The following CLDN16 variants were observed in gnomAD, a reference collection of about 807,000 sequenced individuals.
CLDN16 encodes claudin 16, also known as claudin-16.
Under a neutral mutation model 24.6 loss-of-function variants are expected in CLDN16, and 13 were observed. The ratio of observed to expected loss-of-function variants is 0.53; its 90% CI spans 0.34 to 0.84. CLDN16 has a LOEUF of 0.84. Ranked by LOEUF, CLDN16 falls within the 40% of genes least tolerant of loss-of-function variation. CLDN16 has a pLI of 0.01. For missense variants in CLDN16, 298 were observed against 292.7 expected (o/e 1.02, Z -0.13); for synonymous variants, 116 against 106.7 (o/e 1.09, Z -0.54).
chr3:190,330,322 T>G (rs1717156431), intron 1 of CLDN16, among the ~76,000 whole-genome samples: 1 of 152,212 alleles, frequency 6.6e-6, no homozygotes, highest in Non-Finnish European at 1.5e-5. Flanking sequence ...TAATAGTAAC[T>G]AGTTGTGATC....
At chr3:190,310,080 T>A in the CLDN16 span, 1 of 1,042,730 alleles carries the variant, frequency 9.6e-7, no homozygotes, top group Non-Finnish European at 1.5e-6. Context: ...AAAGCAAATC[T>A]GGGAAATGAT....
At chr3:190,294,906 G>T in the CLDN16 span, among the ~76,000 whole-genome samples, 1 of 152,038 alleles carries the variant, frequency 6.6e-6, no homozygotes, top group East Asian at 1.9e-4. Flanking sequence ...ACATTTTATT[G>T]TTGTCTTCTC....
chr3:190,391,861 CTTGTCATTATTG>C (rs1309619063), intron 1 of CLDN16, among the ~76,000 whole-genome samples: 3 of 152,144 alleles, frequency 2.0e-5, no homozygotes, highest in Non-Finnish European at 2.9e-5. Context: ...CCATCCTGCT[CTTGTCATTATTG>C]ATTCATTTGT....
At chr3:190,343,030 G>A (rs1280556724) in intron 1 of CLDN16, among the ~76,000 whole-genome samples, 5 of 151,940 alleles carry the variant, frequency 3.3e-5, no homozygotes, top group East Asian at 1.9e-4. Flanking sequence ...GACAACCTAC[G>A]GATTGGAAAA....
chr3:190,339,940 A>G (rs1437862013), intron 1 of CLDN16, among the ~76,000 whole-genome samples: 1 of 152,240 alleles, frequency 6.6e-6, no homozygotes, highest in African/African-American at 2.4e-5. Flanking sequence ...ATCAAATTCA[A>G]CAGCATATCA....
In CLDN16 at chr3:190,339,076, T is replaced by C. The variant is rs559026267; in HGVS notation, n.121+16415T>C. ...CTCTCTTTTCTCTGGCCAAGAAAAT[T>C]ATCTGATTATAATCTATGTTCTAGA... On this transcript the variant is annotated intron_variant and non_coding_transcript_variant, in intron 1 of 4. Transcript: ENST00000468220. Among the ~76,000 whole-genome samples, 202 of 132,438 alleles carry C rather than the reference T, an allele frequency of 1.5e-3. 1 individual carries two copies. The highest frequency in any genetic ancestry group is 2.0e-3 in the Non-Finnish European group (130 of 63,916). The allele number at this position is 132,438 out of a possible 152,430, so 86.9% of individuals were successfully genotyped here.
At chr3:190,292,915 G>C in the CLDN16 span, among the ~76,000 whole-genome samples, 1 of 152,092 alleles carries the variant, frequency 6.6e-6, no homozygotes, top group Non-Finnish European at 1.5e-5. Flanking sequence ...ACATCTTCCT[G>C]TTTTCTTCTG....
In CLDN16 at chr3:190,404,885, T is replaced by A. The variant is rs536714046; in HGVS notation, c.341T>A (p.Val114Asp). 1 of 1,614,136 alleles carries A rather than the reference T, an allele frequency of 6.2e-7. No homozygotes were observed. Among genetic ancestry groups the A allele is most frequent in the South Asian group, 1.1e-5 (1 of 91,082 alleles). The change falls in exon 3 of 5, where the codon GTC (valine) becomes GAC (aspartate). Residue 114 changes from valine (V) to aspartate (D), a missense_variant. Physicochemically the swap from Val to Asp is radical, Grantham distance 152 (BLOSUM62 -3). Coordinates refer to ENST00000264734, the MANE Select transcript of CLDN16 (RefSeq NM_006580.4). The part of the protein sequence containing the change: ...KFLPDEPYIK[V>D]RICFVAGATL... ...CTCCCTGATGAGCCGTACATTAAAG[T>A]CCGCATCTGCTTTGTTGCTGGAGCC...
intron 1 of CLDN16, among the ~76,000 whole-genome samples, chr3:190,332,806 G>A (rs1328541384): frequency 1.3e-5 from 2 of 151,412 alleles, no homozygotes; most frequent in Non-Finnish European, 2.9e-5. Flanking sequence ...ACATACTATG[G>A]CTTAAGAGAC....
At chr3:190,328,035 AGCTTGGGAG>A (rs1402810899) in intron 1 of CLDN16, among the ~76,000 whole-genome samples, 2 of 152,016 alleles carry the variant, frequency 1.3e-5, no homozygotes, top group Non-Finnish European at 2.9e-5. Flanking sequence ...TAATCCTAAC[AGCTTGGGAG>A]GCCAAGGTGA....
chr3:190,388,059 C>G (rs774637593), upstream of CLDN16: 38 of 1,511,972 alleles, frequency 2.5e-5, no homozygotes, highest in South Asian at 8.0e-5. Context: ...CTCCCCCACC[C>G]GAAACACACT....
Position 190,409,234 on chromosome 3 carries a change from A to ATATGCACACACGTATATGCATGTATG in CLDN16, c.575-644_575-643insGTATGCACACACGTATATGCATGTAT, listed in dbSNP as rs1560100132. ...TATGCACACACGTATATGCATGTATATATGCACACACGTATATGCATGTAT... is the reference window on the plus strand; with the variant it reads ...TATGCACACACGTATATGCATGTATATATGCACACACGTATATGCATGTATGTATGCACACACGTATATGCATGTAT... On this transcript the variant is annotated intron_variant, in intron 4 of 4. Transcript: ENST00000264734. Among the ~76,000 whole-genome samples, 59 of 152,168 alleles carry ATATGCACACACGTATATGCATGTATG rather than the reference A, an allele frequency of 3.9e-4. 1 individual carries two copies. Among genetic ancestry groups the ATATGCACACACGTATATGCATGTATG allele is most frequent in the Middle Eastern group, 3.4e-3 (1 of 294 alleles).
intron 1 of CLDN16, among the ~76,000 whole-genome samples, chr3:190,355,059 T>TA (rs886411134): frequency 4.6e-5 from 7 of 151,992 alleles, no homozygotes; most frequent in African/African-American, 1.7e-4. Flanking sequence ...GAAAAGTAAC[T>TA]AAAAAATGTC....
rs1021763433 is a variant in CLDN16 at position 190,410,981 on chromosome 3, G to A, written c.*945G>A. ...ACTTTACTTAAAAAATCAATGTTGC[G>A]GCTGGGCACGGTAGCTCGCGTCTGT... On this transcript the variant is annotated 3_prime_UTR_variant, in exon 5 of 5. Transcript: ENST00000264734. 2.0e-5 allele frequency: 3 copies of A among 152,094 alleles called. No individual in the cohort carries two copies. Among genetic ancestry groups the A allele is most frequent in the Non-Finnish European group, 2.9e-5 (2 of 68,032 alleles). 9.4% of individuals were successfully genotyped at this position (152,094 alleles called of 1,614,324 possible).
chr3:190,321,898 G>T, upstream of CLDN16: 1 of 968,176 alleles, frequency 1.0e-6, no homozygotes, highest in Non-Finnish European at 1.7e-6. Flanking sequence ...GATAACCATG[G>T]AATCACACAA....
chr3:190,391,554 G>A (rs188394399), intron 1 of CLDN16, among the ~76,000 whole-genome samples: 3 of 152,288 alleles, frequency 2.0e-5, no homozygotes, highest in East Asian at 1.9e-4. Context: ...AGGCATTTGA[G>A]CAAAGCCTTG....
intron 1 of CLDN16, among the ~76,000 whole-genome samples, chr3:190,330,552 T>C (rs1717160877): frequency 6.9e-6 from 1 of 143,928 alleles, no homozygotes. Context: ...ACTTTCATCA[T>C]CCGGTGGTGG....
chr3:190,354,345 A>T (rs1307300820), intron 1 of CLDN16, among the ~76,000 whole-genome samples: 4 of 152,028 alleles, frequency 2.6e-5, no homozygotes, highest in African/African-American at 9.7e-5. Flanking sequence ...ATGATTCCCA[A>T]GATTTCATTT....
chr3:190,402,414 C>T lies in CLDN16; in HGVS notation c.192C>T (p.Tyr64=), dbSNP rs199651054. Residue 64 remains tyrosine (Y), a synonymous_variant, in exon 2 of 5, where the codon TAC becomes TAT. Coordinates refer to ENST00000264734, the MANE Select transcript of CLDN16 (RefSeq NM_006580.4). ...AFDGIRTCDE[Y]DSILAEHPLK... ...ATGGGATTCGCACCTGTGATGAGTACGATTCCATACTTGCGGAGCATCCCT... is the reference window on the plus strand; with the variant it reads ...ATGGGATTCGCACCTGTGATGAGTATGATTCCATACTTGCGGAGCATCCCT... 393 of 1,613,454 alleles carry T rather than the reference C, an allele frequency of 2.4e-4. 1 individual carries two copies. Among genetic ancestry groups the T allele is most frequent in the Non-Finnish European group, 3.0e-4 (356 of 1,179,652 alleles).
Sources: allele counts gnomAD v4.1 joint callset (sites outside exome capture counted in the v4.1 genomes callset), GRCh38; gene constraint gnomAD v4.1.1; transcripts MANE v1.5; gene names NCBI Gene and HGNC (gene_info 2026-07-23, HGNC 2026-07-21).